Variants in SEC14L1 observed in about 807,000 individuals in gnomAD.
SEC14L1 encodes SEC14-like protein 1.
A neutral mutation model predicts 85.3 loss-of-function variants in SEC14L1; 48 were observed. That is an observed-to-expected ratio of 0.56 (90% CI 0.45 to 0.72). The LOEUF is 0.72. Ranked by LOEUF, SEC14L1 falls within the 30% of genes least tolerant of loss-of-function variation. SEC14L1 has a pLI of 0.00. For synonymous variants in SEC14L1, 391 were observed against 355.5 expected (o/e 1.10, Z -1.12); for missense variants, 682 against 921.4 (o/e 0.74, Z 3.36).
chr17:77,197,663 A>G (rs931354890), intron 8 of SEC14L1, among the ~76,000 whole-genome samples: 2 of 151,734 alleles, frequency 1.3e-5, no homozygotes, highest in South Asian at 2.1e-4. Context: ...TCCGTCACCC[A>G]GGCTGGTGCA....
intron 3 of SEC14L1, among the ~76,000 whole-genome samples, chr17:77,101,486 T>C (rs1412716253): frequency 1.3e-5 from 2 of 152,202 alleles, no homozygotes; most frequent in African/African-American, 4.8e-5. Flanking sequence ...CCCCTCTTTT[T>C]TGACCAGACA....
At position 77,123,263 on chromosome 17, in the gene SEC14L1, A is replaced by G. The variant is rs570191094; in HGVS notation, c.-135-19383A>G. 6.6e-5 allele frequency among the ~76,000 whole-genome samples: 10 copies of G among 151,282 alleles called. No individual in the cohort carries two copies. In the East Asian group the frequency reaches 1.6e-3, roughly 24 times the overall value. On this transcript the variant is annotated intron_variant, in intron 3 of 19. Transcript: ENST00000392476. ...ATGGGGATTCACCATGTTGGCCAGG[A>G]TGGTCTTGATCTCTTGACCTCATGA... is the stretch of plus-strand genomic sequence containing the variant.
intron 1 of SEC14L1, chr17:77,141,776 C>T (rs1973059945): frequency 6.6e-6 from 1 of 152,222 alleles, no homozygotes; most frequent in African/African-American, 2.4e-5. Context: ...GTTACCGTTT[C>T]TTAAACGAGC....
At chr17:77,126,023 T>C (rs1211090750) in intron 3 of SEC14L1, among the ~76,000 whole-genome samples, 1 of 152,174 alleles carries the variant, frequency 6.6e-6, no homozygotes, top group African/African-American at 2.4e-5. Flanking sequence ...TGGTGGCGCA[T>C]GCCTGTAATC....
intron 3 of SEC14L1, among the ~76,000 whole-genome samples, chr17:77,104,790 CA>C (rs34654587): frequency 0.55 from 63,532 of 115,484 alleles, 15,506 homozygotes; most frequent in East Asian, 0.7. Flanking sequence ...GACTCCATTT[CA>C]AAAAAAAAAA....
intron 3 of SEC14L1, among the ~76,000 whole-genome samples, chr17:77,173,282 C>G (rs368178021): frequency 2.6e-5 from 4 of 151,822 alleles, no homozygotes; most frequent in East Asian, 1.9e-4. Context: ...TGTTCTGTCT[C>G]GCACCGAAGT....
chr17:77,142,996 G>A (rs893270005), intron 2 of SEC14L1, among the ~76,000 whole-genome samples: 4 of 152,238 alleles, frequency 2.6e-5, no homozygotes, highest in African/African-American at 7.2e-5. Context: ...TCTGCCACTC[G>A]AAGACAGGTC....
Position 77,214,099 on chromosome 17 carries a change from A to G in SEC14L1, c.*76A>G. 6.4e-7 allele frequency: 1 copy of G among 1,558,034 alleles called. No individual in the cohort carries two copies. Among genetic ancestry groups the G allele is most frequent in the Non-Finnish European group, 8.7e-7 (1 of 1,152,232 alleles). On this transcript the variant is annotated 3_prime_UTR_variant, in exon 17 of 17. Transcript: ENST00000436233. ...GACAGCCAGCTGCACCCGCCCACCC[A>G]GCGGCGACATTGTACAGACTCCTCT... is the stretch of plus-strand genomic sequence containing the variant.
In SEC14L1 at chr17:77,202,938, A is replaced by T. The variant is rs945148078; in HGVS notation, c.1010-632A>T. 2.4e-4 allele frequency among the ~76,000 whole-genome samples: 12 copies of T among 50,388 alleles called. No individual in the cohort carries two copies. The East Asian group carries it at 3.2e-3, about 13-fold the overall frequency. 33.1% of individuals were successfully genotyped at this position (50,388 alleles called of 152,430 possible). Reference sequence around the variant, plus strand: ...TCTCTCTAAAAAAAATAAAAAAATAAAAAAAAAAAAAAAACAGAGTAGAGC... The same window carrying T: ...TCTCTCTAAAAAAAATAAAAAAATATAAAAAAAAAAAAAACAGAGTAGAGC... On this transcript the variant is annotated intron_variant, in intron 9 of 16. Coordinates refer to ENST00000436233, the MANE Select transcript of SEC14L1 (RefSeq NM_001143998.2).
At chr17:77,190,778 G>A in intron 3 of SEC14L1, 25 bp from the exon 4 acceptor site, 1 of 1,613,490 alleles carries the variant, frequency 6.2e-7, no homozygotes. Flanking sequence ...GCTCACTTCT[G>A]CTTTCTTGGT....
chr17:77,178,585 C>T (rs551992802), intron 3 of SEC14L1, among the ~76,000 whole-genome samples: 4 of 152,290 alleles, frequency 2.6e-5, no homozygotes, highest in South Asian at 2.1e-4. Flanking sequence ...AGTTGTTCCA[C>T]GGATTGTGGG....
At chr17:77,178,247 A>G (rs1293930550) in intron 3 of SEC14L1, among the ~76,000 whole-genome samples, 3 of 152,114 alleles carry the variant, frequency 2.0e-5, no homozygotes, top group Admixed American at 1.3e-4. Context: ...CCCACCTGCC[A>G]CTCAGAGCTG....
At chr17:77,107,835 G>A (rs1431287998) in intron 3 of SEC14L1, among the ~76,000 whole-genome samples, 1 of 152,200 alleles carries the variant, frequency 6.6e-6, no homozygotes, top group African/African-American at 2.4e-5. Flanking sequence ...ATGCCTGAAA[G>A]TCCCTTTGAG....
At chr17:77,178,896 C>T (rs1974879740) in intron 3 of SEC14L1, among the ~76,000 whole-genome samples, 1 of 152,198 alleles carries the variant, frequency 6.6e-6, no homozygotes, top group African/African-American at 2.4e-5. Flanking sequence ...TCAGCATAGG[C>T]TGGAGGGTGG....
At position 77,150,612 on chromosome 17, in the gene SEC14L1, T is replaced by G. The variant is rs545343484; in HGVS notation, c.63+6953T>G. 1.8e-4 allele frequency among the ~76,000 whole-genome samples: 28 copies of G among 152,346 alleles called. No homozygotes were observed. The South Asian group carries it at 5.8e-3, about 32-fold the overall frequency. ...TTACTTCAGGGTGAGGAGACACTGC[T>G]CTTCCTTAATCAGGGCCTCCGTGGA... On this transcript the variant is annotated intron_variant, in intron 3 of 16. Transcript: ENST00000436233.
In SEC14L1 at chr17:77,216,170, GGGC is replaced by G. The variant is rs1977060786; in HGVS notation, c.*2148_*2150del. ...GGTTCGTAGGTAGGGTTCGTAGGTA[GGGC>G]TAGTAGGTAGGGTTAGTAGGTAGGG... On this transcript the variant is annotated 3_prime_UTR_variant, in exon 17 of 17. Transcript: ENST00000436233. 1.3e-6 allele frequency: 1 copy of G among 753,974 alleles called. No homozygotes were observed. Among genetic ancestry groups the G allele is most frequent in the Non-Finnish European group, 1.6e-6 (1 of 626,922 alleles). 46.7% of individuals were successfully genotyped at this position (753,974 alleles called of 1,614,324 possible). A position where few individuals can be genotyped will look rare whatever the true frequency, so the allele number is the denominator to read the frequency against.
At chr17:77,146,604 C>CT (rs887206184) in intron 3 of SEC14L1, among the ~76,000 whole-genome samples, 79 of 151,284 alleles carry the variant, frequency 5.2e-4, no homozygotes, top group African/African-American at 1.8e-3. Context: ...CTTTCTTCTC[C>CT]TTTTTTTTCT....
intron 3 of SEC14L1, among the ~76,000 whole-genome samples, chr17:77,184,843 T>G (rs1442424896): frequency 6.6e-6 from 1 of 152,204 alleles, no homozygotes; most frequent in Non-Finnish European, 1.5e-5. Flanking sequence ...ATGCTTCTGT[T>G]TTTCAGGGCC....
upstream of SEC14L1, among the ~76,000 whole-genome samples, chr17:77,136,590 C>T (rs1032021155): frequency 3.4e-4 from 52 of 152,312 alleles, no homozygotes; most frequent in African/African-American, 1.2e-3. Context: ...TGGGTGTGCC[C>T]ATGTGATTAA....
Sources: allele counts gnomAD v4.1 joint callset (sites outside exome capture counted in the v4.1 genomes callset), GRCh38; gene constraint gnomAD v4.1.1; transcripts MANE v1.5; gene names NCBI Gene and HGNC (gene_info 2026-07-23, HGNC 2026-07-21).